The following KCNJ3 variants were observed in gnomAD, a reference collection of about 807,000 sequenced individuals.
The protein encoded by KCNJ3 is G protein-activated inward rectifier potassium channel 1.
KCNJ3 carries 4 observed loss-of-function variants against 39.2 expected under a neutral mutation model. The ratio of observed to expected loss-of-function variants is 0.10; its 90% confidence interval spans 0.05 to 0.23. The LOEUF is 0.23. KCNJ3 is among the 10% of genes least tolerant of loss of function. KCNJ3 has a pLI of 1.00. For missense variants in KCNJ3, 276 were observed against 634.9 expected (o/e 0.43, Z 6.08); for synonymous variants, 230 against 237.4 (o/e 0.97, Z 0.29).
intron 2 of KCNJ3, among the ~76,000 whole-genome samples, chr2:154,769,781 CTCT>C (rs1457296500): frequency 1.3e-5 from 2 of 151,898 alleles, no homozygotes; most frequent in African/African-American, 4.8e-5. Context: ...CTCTTTGTAC[CTCT>C]TCTTTACCTT....
intron 2 of KCNJ3, among the ~76,000 whole-genome samples, chr2:154,751,454 A>G (rs2591163): frequency 0.41 from 61,538 of 151,724 alleles, 13,070 homozygotes; most frequent in East Asian, 0.67. Context: ...TTTATTATTA[A>G]TATCTAGTTT....
At chr2:154,710,556 G>A (rs1419921450) in intron 2 of KCNJ3, among the ~76,000 whole-genome samples, 1 of 152,046 alleles carries the variant, frequency 6.6e-6, no homozygotes, top group Non-Finnish European at 1.5e-5. Flanking sequence ...ACATTGCTTA[G>A]TTTGGAAGCT....
At chr2:154,730,024 T>C (rs1226020752) in intron 2 of KCNJ3, among the ~76,000 whole-genome samples, 1 of 151,972 alleles carries the variant, frequency 6.6e-6, no homozygotes, top group East Asian at 1.9e-4. Flanking sequence ...CTTTTCCTAG[T>C]TGGGTTCATT....
At chr2:154,793,094 T>C (rs998831166) in intron 2 of KCNJ3, among the ~76,000 whole-genome samples, 1 of 152,038 alleles carries the variant, frequency 6.6e-6, no homozygotes, top group Non-Finnish European at 1.5e-5. Flanking sequence ...CCGAATATAG[T>C]ATAGTTTTTA....
intron 2 of KCNJ3, among the ~76,000 whole-genome samples, chr2:154,818,030 T>C (rs1337401743): frequency 6.6e-6 from 1 of 152,170 alleles, no homozygotes; most frequent in Non-Finnish European, 1.5e-5. Flanking sequence ...CATGTTCTTA[T>C]ATGAAAATCA....
intron 2 of KCNJ3, among the ~76,000 whole-genome samples, chr2:154,743,610 TTA>T (rs1466562995): frequency 4.0e-5 from 6 of 151,700 alleles, no homozygotes; most frequent in African/African-American, 1.4e-4. Flanking sequence ...TTTTTTTGTT[TTA>T]GTGTCTATAT....
chr2:154,720,980 C>A (rs1685255356), intron 2 of KCNJ3, among the ~76,000 whole-genome samples: 2 of 151,668 alleles, frequency 1.3e-5, no homozygotes, highest in South Asian at 4.2e-4. Context: ...TTATCGGCTC[C>A]AAAAATGTTT....
At chr2:154,816,304 C>T (rs1419373418) in intron 2 of KCNJ3, among the ~76,000 whole-genome samples, 2 of 152,092 alleles carry the variant, frequency 1.3e-5, no homozygotes, top group African/African-American at 4.8e-5. Flanking sequence ...AAAAAAGTTG[C>T]TCATTTAAAA....
At chr2:154,747,059 C>T (rs535992066) in intron 2 of KCNJ3, among the ~76,000 whole-genome samples, 2 of 151,860 alleles carry the variant, frequency 1.3e-5, no homozygotes, top group Non-Finnish European at 2.9e-5. Flanking sequence ...ACATCTCAAA[C>T]TTACAGTACA....
intron 2 of KCNJ3, among the ~76,000 whole-genome samples, chr2:154,846,768 T>C (rs1687669628): frequency 6.8e-6 from 1 of 147,204 alleles, no homozygotes; most frequent in Admixed American, 6.9e-5. Flanking sequence ...TGTTGGTCAT[T>C]GTTAAAAATC....
At chr2:154,753,100 A>G (rs1685876331) in intron 2 of KCNJ3, among the ~76,000 whole-genome samples, 1 of 152,042 alleles carries the variant, frequency 6.6e-6, no homozygotes, top group African/African-American at 2.4e-5. Context: ...TTCTCTAATG[A>G]TGTATAATGC....
intron 2 of KCNJ3, among the ~76,000 whole-genome samples, chr2:154,734,298 A>T (rs1685488409): frequency 6.6e-6 from 1 of 152,200 alleles, no homozygotes; most frequent in Admixed American, 6.5e-5. Flanking sequence ...AGCTGGAAAT[A>T]CTTGTCCTAA....
intron 2 of KCNJ3, among the ~76,000 whole-genome samples, chr2:154,814,125 A>C (rs1431185606): frequency 6.6e-6 from 1 of 152,200 alleles, no homozygotes; most frequent in Non-Finnish European, 1.5e-5. Context: ...TTATTGCTTA[A>C]CATACATTTT....
chr2:154,804,168 T>G (rs2105095747), intron 2 of KCNJ3, among the ~76,000 whole-genome samples: 1 of 152,198 alleles, frequency 6.6e-6, no homozygotes, highest in East Asian at 1.9e-4. Flanking sequence ...CAACGAGTAG[T>G]CTTCAGACAG....
intron 2 of KCNJ3, among the ~76,000 whole-genome samples, chr2:154,832,301 T>C (rs569838746): frequency 3.3e-5 from 5 of 152,266 alleles, no homozygotes; most frequent in African/African-American, 1.2e-4. Flanking sequence ...GGAAAGGACT[T>C]GTGATAGTGA....
At chr2:154,707,166 A>G (rs1407876752) in intron 1 of KCNJ3, among the ~76,000 whole-genome samples, 1 of 152,058 alleles carries the variant, frequency 6.6e-6, no homozygotes, top group Non-Finnish European at 1.5e-5. Flanking sequence ...TCTGAAAAAT[A>G]TATGAGCATT....
At chr2:154,761,720 T>G (rs1485884697) in intron 2 of KCNJ3, among the ~76,000 whole-genome samples, 3 of 152,352 alleles carry the variant, frequency 2.0e-5, no homozygotes, top group African/African-American at 7.2e-5. Context: ...TGAATCCCTT[T>G]TTTAACTTCT....
chr2:154,714,611 C>T (rs11895478), intron 2 of KCNJ3, among the ~76,000 whole-genome samples: 37,045 of 152,100 alleles, frequency 0.24, 5,271 homozygotes, highest in Non-Finnish European at 0.3. Flanking sequence ...TATTTTAATT[C>T]AAAGTCACCT....
intron 2 of KCNJ3, among the ~76,000 whole-genome samples, chr2:154,715,742 TC>T: frequency 6.7e-6 from 1 of 149,602 alleles, no homozygotes; most frequent in South Asian, 2.1e-4. Flanking sequence ...CTATTGTTAA[TC>T]CCTTTCGTGT....
Sources: gnomAD v4.1 joint callset for allele counts (sites outside exome capture counted in the v4.1 genomes callset) on GRCh38, gnomAD v4.1.1 for gene constraint, MANE v1.5 for transcripts, NCBI Gene and HGNC (gene_info 2026-07-23, HGNC 2026-07-21) for gene names.